NUP93: variants seen among roughly 807,000 people sequenced by gnomAD.
The protein encoded by NUP93 is nuclear pore complex protein Nup93.
Under a neutral mutation model 107.8 loss-of-function variants are expected in NUP93, and 55 were observed. That is an observed-to-expected ratio of 0.51 (90% CI 0.41 to 0.64). The LOEUF is 0.64. NUP93 is among the 30% of genes least tolerant of loss of function. The probability of loss-of-function intolerance (pLI) is 0.00; values close to 1 mark genes in which losing one functional copy is unlikely to be tolerated. For missense variants in NUP93, 937 were observed against 1,044.7 expected, an observed-to-expected ratio of 0.90 and a Z score of 1.42; for synonymous variants, 390 against 397.5, an observed-to-expected ratio of 0.98 and a Z score of 0.22.
chr16:56,750,057 A>G (rs1323616837), intron 2 of NUP93, among the ~76,000 whole-genome samples: 1 of 152,250 alleles, frequency 6.6e-6, no homozygotes, highest in African/African-American at 2.4e-5. Context: ...ATGCCATCTT[A>G]GTTGCTATAG....
Position 56,830,690 on chromosome 16 carries a change from G to A in NUP93, c.1085+5G>A. The A allele has an allele frequency of 6.4e-7, 1 of 1,554,328 alleles. No individual in the cohort carries two copies. Among genetic ancestry groups the A allele is most frequent in the Non-Finnish European group, 8.8e-7 (1 of 1,138,530 alleles). On this transcript the variant is annotated splice_donor_5th_base_variant and intron_variant, in intron 10 of 21. Transcript: ENST00000308159. ...CATGAACAGCAAGGACAGAAGGTAT[G>A]GTGAATGAGGTGGCACGCCCAGGGG... is the stretch of plus-strand genomic sequence containing the variant.
chr16:56,823,916 G>A, intron 8 of NUP93, 70 bp downstream of exon 8: 1 of 1,566,694 alleles, frequency 6.4e-7, no homozygotes, highest in South Asian at 1.1e-5. Context: ...CAGATCTTAA[G>A]TTGTCCTCAG....
intron 1 of NUP93, chr16:56,748,032 T>C: frequency 2.4e-6 from 1 of 423,834 alleles, no homozygotes; most frequent in Non-Finnish European, 4.3e-6. Flanking sequence ...AGAAATGATC[T>C]GTTTTTTCAC....
intron 2 of NUP93, among the ~76,000 whole-genome samples, chr16:56,751,673 A>AGATTATG (rs1160490783): frequency 7.9e-5 from 12 of 152,216 alleles, no homozygotes; most frequent in African/African-American, 2.9e-4. Context: ...TATGTATCCA[A>AGATTATG]TATTTTCAGT....
rs753966103 is a variant in NUP93 at position 56,834,797 on chromosome 16, T to C, written c.1782+19T>C. 1.3e-6 allele frequency: 2 copies of C among 1,578,910 alleles called. No homozygotes were observed. Among genetic ancestry groups the C allele is most frequent in the Admixed American group, 3.4e-5 (2 of 58,976 alleles). ...TAGAAAGGTGAGTTAAATGCATCCT[T>C]AGAGAAATGTTCGTTAGCCATTGGG... On this transcript the variant is annotated intron_variant, in intron 16 of 21. Coordinates refer to ENST00000308159, the MANE Select transcript of NUP93 (RefSeq NM_014669.5).
intron 3 of NUP93, among the ~76,000 whole-genome samples, chr16:56,761,141 T>C (rs1962119491): frequency 6.6e-6 from 1 of 152,242 alleles, no homozygotes; most frequent in African/African-American, 2.4e-5. Flanking sequence ...GTTCACTTCA[T>C]CTTCTTGCCA....
At chr16:56,786,728 G>A (rs7500207) in intron 3 of NUP93, among the ~76,000 whole-genome samples, 109,004 of 152,098 alleles carry the variant, frequency 0.72, 39,250 homozygotes, top group East Asian at 0.85. Context: ...GAGTTGTTAC[G>A]TTCATGTGCT....
Position 56,849,125 on chromosome 16 carries a change from G to A in NUP93, c.*4516G>A, listed in dbSNP as rs904218102. ...CACATCCTCTGGATCAGCTCCACGT[G>A]CCTAGATTCAGACTCCGTGATTCAC... On this transcript the variant is annotated 3_prime_UTR_variant, in exon 22 of 22. Coordinates refer to ENST00000308159, the MANE Select transcript of NUP93 (RefSeq NM_014669.5). The A allele has an allele frequency of 2.6e-5, 4 of 152,220 alleles. No homozygotes were observed. Among genetic ancestry groups the A allele is most frequent in the Admixed American group, 2.0e-4 (3 of 15,284 alleles). 9.4% of individuals were successfully genotyped at this position (152,220 alleles called of 1,614,324 possible).
intron 5 of NUP93, among the ~76,000 whole-genome samples, chr16:56,807,760 C>T (rs1247081649): frequency 6.6e-6 from 1 of 151,850 alleles, no homozygotes; most frequent in Non-Finnish European, 1.5e-5. Flanking sequence ...CGGTGGTTCA[C>T]GCCTATAATC....
rs189042588 is a variant in NUP93, at chr16:56,836,476, C to T, written c.1783-125C>T. 119 of 663,212 alleles carry T rather than the reference C, an allele frequency of 1.8e-4. 1 individual carries two copies. The highest frequency in any genetic ancestry group is 1.6e-3 in the South Asian group (88 of 55,352). 41.1% of individuals were successfully genotyped at this position (663,212 alleles called of 1,614,324 possible). A position where few individuals can be genotyped will look rare whatever the true frequency, so the allele number is the denominator to read the frequency against. ...CAGAGTCTGGCTGATGAAATATATG[C>T]GTTGCCCAGGGCAAGCAATTCCACT... On this transcript the variant is annotated intron_variant, in intron 16 of 21. Coordinates refer to ENST00000308159, the MANE Select transcript of NUP93 (RefSeq NM_014669.5).
rs908501895 is a variant in NUP93, at chr16:56,802,577, T to C, written c.361-2927T>C. 1.2e-4 allele frequency among the ~76,000 whole-genome samples: 4 copies of C among 33,684 alleles called. No homozygotes were observed. In the African/African-American group the frequency reaches 1.3e-3, roughly 11 times the overall value. 22.1% of individuals were successfully genotyped at this position (33,684 alleles called of 152,430 possible). On this transcript the variant is annotated intron_variant, in intron 4 of 21. Transcript: ENST00000308159. ...TCCAGCAACGCACCAACCTTCTTCCTAATCACGTGTCATATGTGTATGTAT... is the reference window on the plus strand; with the variant it reads ...TCCAGCAACGCACCAACCTTCTTCCCAATCACGTGTCATATGTGTATGTAT...
chr16:56,837,659 C>T lies in NUP93; in HGVS notation c.1951C>T (p.Pro651Ser), dbSNP rs1963939618. Residue 651 changes from proline (P) to serine (S), a missense_variant, in exon 18 of 22, where the codon CCC becomes TCC. By Grantham distance (74) the Pro-to-Ser change is moderately conservative. Coordinates refer to ENST00000308159, the MANE Select transcript of NUP93 (RefSeq NM_014669.5). ...GAACAAACTGCTGAGCCCTGTCGTCCCCCAGATCAGTGCCCCGCAATCCAA... is the reference window on the plus strand; with the variant it reads ...GAACAAACTGCTGAGCCCTGTCGTCTCCCAGATCAGTGCCCCGCAATCCAA... ...LMNKLLSPVV[P>S]QISAPQSNKE... The T allele has an allele frequency of 1.2e-6, 2 of 1,614,132 alleles. No individual in the cohort carries two copies. Among genetic ancestry groups the T allele is most frequent in the East Asian group, 2.2e-5 (1 of 44,878 alleles).
chr16:56,737,849 G>A (rs1184203436), intron 1 of NUP93, among the ~76,000 whole-genome samples: 1 of 152,198 alleles, frequency 6.6e-6, no homozygotes, highest in Admixed American at 6.5e-5. Context: ...CACACCTTCT[G>A]CCTCCCAAGT....
intron 8 of NUP93, among the ~76,000 whole-genome samples, chr16:56,826,544 G>C (rs1263907907): frequency 1.3e-5 from 2 of 149,358 alleles, no homozygotes; most frequent in African/African-American, 4.9e-5. Flanking sequence ...AACTTCCAAT[G>C]ATGGGGAACT....
In NUP93 at chr16:56,846,598, T is replaced by G; in HGVS notation, c.*1989T>G. 1 of 151,794 alleles carries G rather than the reference T, an allele frequency of 6.6e-6. No individual in the cohort carries two copies. Among genetic ancestry groups the G allele is most frequent in the Non-Finnish European group, 1.5e-5 (1 of 68,024 alleles). The allele number at this position is 151,794 out of a possible 1,614,324, so 9.4% of individuals were successfully genotyped here. ...GGTGGCAGGCGCCTGTAATCCCAGC[T>G]ACTCGGGAGGCTGAGGCAGGAGAAT... On this transcript the variant is annotated 3_prime_UTR_variant, in exon 22 of 22. Transcript: ENST00000308159.
chr16:56,831,816 ATCTG>A, intron 10 of NUP93, 22 bp from the exon 11 acceptor site: 1 of 1,610,800 alleles, frequency 6.2e-7, no homozygotes, highest in Non-Finnish European at 8.5e-7. Context: ...GTATGTATCT[ATCTG>A]TCTGTTCCCT....
intron 10 of NUP93, chr16:56,831,563 G>A: frequency 2.9e-6 from 1 of 348,458 alleles, no homozygotes; most frequent in Non-Finnish European, 5.4e-6. Flanking sequence ...GTGCTGCTGG[G>A]TTGTGCAATG....
chr16:56,794,584 T>G lies in NUP93; in HGVS notation c.298-3892T>G, dbSNP rs955562431. ...ATTTGTGTTGTAAGTGTGTGTGTGA[T>G]AGAGAGAGAGAGAGAGAGAGAGAGA... On this transcript the variant is annotated intron_variant, in intron 3 of 21. Transcript: ENST00000308159. 4.7e-4 allele frequency among the ~76,000 whole-genome samples: 70 copies of G among 148,118 alleles called. 1 individual carries two copies. The South Asian group carries it at 6.0e-3, about 13-fold the overall frequency.
chr16:56,783,987 T>C (rs1325816811), intron 3 of NUP93: 28 of 674,138 alleles, frequency 4.2e-5, no homozygotes, highest in South Asian at 1.3e-4. Context: ...AACGCAGAGG[T>C]TCTGCGTTAC....
Sources: allele counts gnomAD v4.1 joint callset (sites outside exome capture counted in the v4.1 genomes callset), GRCh38; gene constraint gnomAD v4.1.1; transcripts MANE v1.5; gene names NCBI Gene and HGNC (gene_info 2026-07-23, HGNC 2026-07-21).